Variants in AFF2 observed in about 807,000 individuals in gnomAD.
The protein encoded by AFF2 is AF4/FMR2 family member 2.
AFF2 carries 14 observed loss-of-function variants against 76.9 expected under a neutral mutation model. The ratio of observed to expected loss-of-function variants is 0.18; its 90% CI spans 0.12 to 0.28. AFF2 has a LOEUF of 0.28. AFF2 is among the 10% of genes least tolerant of loss of function. The pLI is 1.00. For missense variants in AFF2, 868 were observed against 1,001.1 expected, an observed-to-expected ratio of 0.87 and a Z score of 1.79; for synonymous variants, 398 against 366.7, an observed-to-expected ratio of 1.09 and a Z score of -0.98.
chrX:148,841,485 T>C (rs1292270159), intron 5 of AFF2, among the ~76,000 whole-genome samples: 2 of 112,137 alleles, frequency 1.8e-5, no homozygotes, highest in African/African-American at 6.5e-5. Flanking sequence ...TCTTTCTTGA[T>C]AACTTATATA....
At chrX:148,695,098 G>T (rs782423014) in intron 3 of AFF2, among the ~76,000 whole-genome samples, 21 of 111,342 alleles carry the variant, frequency 1.9e-4, no homozygotes, top group African/African-American at 6.9e-4. Flanking sequence ...TTACAGATGT[G>T]AGCCACCACG....
intron 3 of AFF2, among the ~76,000 whole-genome samples, chrX:148,690,369 G>A (rs1557260662): frequency 8.9e-6 from 1 of 112,162 alleles, no homozygotes; most frequent in African/African-American, 3.2e-5. Context: ...CTGGCAGTGT[G>A]GACCATAGAA....
At chrX:148,626,525 A>G (rs1401335876) in intron 1 of AFF2, among the ~76,000 whole-genome samples, 2 of 110,897 alleles carry the variant, frequency 1.8e-5, no homozygotes, top group Non-Finnish European at 1.9e-5. Flanking sequence ...ACTGCCACAA[A>G]CTTGGTGTCT....
At chrX:148,791,832 A>G (rs1280664592) in intron 3 of AFF2, among the ~76,000 whole-genome samples, 1 of 111,520 alleles carries the variant, frequency 9.0e-6, no homozygotes, top group African/African-American at 3.3e-5. Context: ...AGCCGGGTGT[A>G]TATAACTTTA....
chrX:148,729,952 A>G (rs912046724), intron 3 of AFF2, among the ~76,000 whole-genome samples: 4 of 111,704 alleles, frequency 3.6e-5, no homozygotes, highest in African/African-American at 1.3e-4. Flanking sequence ...CTTGCTACCA[A>G]TGGTAATTAC....
chrX:148,578,750 G>A (rs2053319843), intron 1 of AFF2, among the ~76,000 whole-genome samples: 1 of 111,856 alleles, frequency 8.9e-6, no homozygotes, highest in African/African-American at 3.2e-5. Context: ...CATGTAACTA[G>A]CACTTTGCAG....
chrX:148,586,370 G>A (rs2053469834), intron 1 of AFF2, among the ~76,000 whole-genome samples: 1 of 112,148 alleles, frequency 8.9e-6, no homozygotes, highest in Non-Finnish European at 1.9e-5. Context: ...ATACATATTA[G>A]GCTTTTAGAA....
chrX:148,737,597 G>T (rs1557265215), intron 3 of AFF2, among the ~76,000 whole-genome samples: 1 of 111,313 alleles, frequency 9.0e-6, no homozygotes, highest in Non-Finnish European at 1.9e-5. Context: ...TACCGATTTG[G>T]ATGCACTCTA....
At chrX:148,929,560 TC>T (rs1343067246) in intron 9 of AFF2, among the ~76,000 whole-genome samples, 1 of 112,043 alleles carries the variant, frequency 8.9e-6, no homozygotes, top group Non-Finnish European at 1.9e-5. Flanking sequence ...AGACCGGTGT[TC>T]TTGTCATCGG....
intron 7 of AFF2, among the ~76,000 whole-genome samples, chrX:148,878,730 G>A (rs1023603507): frequency 7.2e-5 from 8 of 111,818 alleles, no homozygotes; most frequent in African/African-American, 2.6e-4. Flanking sequence ...TCAGGCCCAG[G>A]TTGATCTACT....
At chrX:148,969,777 T>C (rs1183013761) in intron 15 of AFF2, among the ~76,000 whole-genome samples, 5 of 110,480 alleles carry the variant, frequency 4.5e-5, no homozygotes, top group African/African-American at 9.9e-5. Flanking sequence ...GGGGGTGATA[T>C]GGAAAAACAA....
At chrX:148,924,316 A>G (rs2071626966) in intron 9 of AFF2, among the ~76,000 whole-genome samples, 2 of 112,069 alleles carry the variant, frequency 1.8e-5, no homozygotes, top group East Asian at 2.8e-4. Context: ...TGAGATTTGT[A>G]GAAAACTCAT....
intron 3 of AFF2, among the ~76,000 whole-genome samples, chrX:148,787,313 T>C (rs2069833961): frequency 9.5e-6 from 1 of 105,003 alleles, no homozygotes; most frequent in African/African-American, 3.6e-5. Context: ...ACATTGCGGC[T>C]GTGTGTGTGT....
At chrX:148,550,736 A>C (rs782320947) in intron 1 of AFF2, among the ~76,000 whole-genome samples, 1 of 111,676 alleles carries the variant, frequency 9.0e-6, no homozygotes, top group African/African-American at 3.2e-5. Flanking sequence ...CAGGAAAAAA[A>C]CTAGAAGGAA....
intron 4 of AFF2, among the ~76,000 whole-genome samples, chrX:148,831,526 T>G (rs1557273318): frequency 8.9e-6 from 1 of 112,140 alleles, no homozygotes; most frequent in Non-Finnish European, 1.9e-5. Context: ...ACAACACCCA[T>G]CTTAACCCTA....
At chrX:148,798,421 A>G (rs2070014627) in intron 3 of AFF2, among the ~76,000 whole-genome samples, 1 of 112,150 alleles carries the variant, frequency 8.9e-6, no homozygotes, top group Non-Finnish European at 1.9e-5. Context: ...CATGTACTGC[A>G]TTTTACCTAA....
Position 148,967,115 on chromosome X carries a change from T to C in AFF2, c.3203+36T>C, listed in dbSNP as rs782061152. ...CCAGATTATCATGGACAGTTTGGAG[T>C]AGTGAATGGGGGGTGGGGGTAGCAT... On this transcript the variant is annotated intron_variant, in intron 14 of 20. Coordinates refer to ENST00000370460, the MANE Select transcript of AFF2 (RefSeq NM_002025.4). 4.9e-5 allele frequency: 58 copies of C among 1,194,305 alleles called. No homozygotes were observed. In the East Asian group the frequency reaches 1.5e-3, roughly 32 times the overall value.
At chrX:148,946,200 G>T (rs782109790) in intron 9 of AFF2, among the ~76,000 whole-genome samples, 2 of 112,421 alleles carry the variant, frequency 1.8e-5, no homozygotes, top group East Asian at 5.6e-4. Context: ...CGGTCTGTTT[G>T]CAGCCTCTCT....
intron 3 of AFF2, among the ~76,000 whole-genome samples, chrX:148,787,666 A>T (rs1451139961): frequency 8.9e-6 from 1 of 112,071 alleles, no homozygotes; most frequent in Non-Finnish European, 1.9e-5. Flanking sequence ...TCGTCTCAAC[A>T]TTGCAACAGT....
Sources: allele counts gnomAD v4.1 joint callset (sites outside exome capture counted in the v4.1 genomes callset), GRCh38; gene constraint gnomAD v4.1.1; transcripts MANE v1.5; gene names NCBI Gene and HGNC (gene_info 2026-07-23, HGNC 2026-07-21).